CSMD3: variants seen among roughly 807,000 people sequenced by gnomAD.
The protein encoded by CSMD3 is CUB and sushi domain-containing protein 3.
In CSMD3, 177 loss-of-function variants were observed where a neutral mutation model predicts 435.2. The ratio of observed to expected loss-of-function variants is 0.41; its 90% CI spans 0.36 to 0.46. CSMD3 has a LOEUF of 0.46. Ranked by LOEUF, CSMD3 falls within the 20% of genes least tolerant of loss-of-function variation. CSMD3 has a pLI of 0.34. For synonymous variants in CSMD3, 1,656 were observed against 1,520.5 expected (o/e 1.09, Z -2.07); for missense variants, 4,265 against 4,504.6 (o/e 0.95, Z 1.52).
chr8:112,596,248 A>G (rs1400898705), intron 22 of CSMD3, among the ~76,000 whole-genome samples: 2 of 152,112 alleles, frequency 1.3e-5, no homozygotes, highest in African/African-American at 4.8e-5. Context: ...TTAAACCAAC[A>G]AAGATCAAAA....
At chr8:112,922,515 G>A (rs567901307) in intron 9 of CSMD3, among the ~76,000 whole-genome samples, 31 of 150,774 alleles carry the variant, frequency 2.1e-4, no homozygotes, top group African/African-American at 5.1e-4. Flanking sequence ...CCTCCTAGCC[G>A]CCCCCACATC....
At chr8:113,150,751 C>A in intron 4 of CSMD3, among the ~76,000 whole-genome samples, 1 of 151,846 alleles carries the variant, frequency 6.6e-6, no homozygotes, top group Admixed American at 6.6e-5. Context: ...TTATTCATTA[C>A]CACTATATGT....
chr8:112,952,487 T>G (rs1423468461), intron 8 of CSMD3, among the ~76,000 whole-genome samples: 2 of 151,662 alleles, frequency 1.3e-5, no homozygotes, highest in Non-Finnish European at 3.0e-5. Context: ...GAGATCAATA[T>G]CTGAATGTGT....
chr8:112,889,990 C>T (rs1350075828), intron 10 of CSMD3, among the ~76,000 whole-genome samples: 1 of 151,536 alleles, frequency 6.6e-6, no homozygotes, highest in Non-Finnish European at 1.5e-5. Flanking sequence ...AAGTTGCCTT[C>T]AGAATGTGTT....
intron 32 of CSMD3, among the ~76,000 whole-genome samples, chr8:112,422,614 C>T (rs947318892): frequency 2.0e-4 from 30 of 152,212 alleles, no homozygotes; most frequent in African/African-American, 6.7e-4. Context: ...CAAAATAATA[C>T]CCACTCCTTT....
chr8:113,210,056 G>T lies in CSMD3; in HGVS notation c.515-36140C>A, dbSNP rs1307596232. 2.1e-5 allele frequency among the ~76,000 whole-genome samples: 3 copies of T among 145,546 alleles called. No homozygotes were observed. The East Asian group carries it at 6.0e-4, about 29-fold the overall frequency. ...TGTGTGTGTGTGTGTGATACACAGT[G>T]TTTTCTAATTTTAAACTACATCCTT... On this transcript the variant is annotated intron_variant, in intron 3 of 70. Transcript: ENST00000297405.
In CSMD3 at chr8:112,281,197, G is replaced by A. The variant is rs2130577378; in HGVS notation, c.9485C>T (p.Ser3162Phe). The A allele has an allele frequency of 6.2e-7, 1 of 1,612,934 alleles. No individual in the cohort carries two copies. Among genetic ancestry groups the A allele is most frequent in the Non-Finnish European group, 8.5e-7 (1 of 1,179,144 alleles). Residue 3162 changes from serine (S) to phenylalanine (F), a missense_variant, in exon 59 of 71, where the codon TCT becomes TTT. By Grantham distance (155) the Ser-to-Phe change is radical. This residue lies in a region of CSMD3 where 3,255 missense variants were observed against 3,380.2 expected (regional missense o/e 0.96). Transcript: ENST00000297405. ...VRQCTANGTW[S>F]GTLPNCTIIS... ...ACTTGTACAGTTAGGTAAAGTTCCA[G>A]ACCATGTTCCATTGGCTGTGCACTG... is the stretch of plus-strand genomic sequence containing the variant.
At chr8:112,718,408 C>T (rs1018666001) in intron 13 of CSMD3, among the ~76,000 whole-genome samples, 1 of 152,026 alleles carries the variant, frequency 6.6e-6, no homozygotes. Flanking sequence ...CAACTCAACT[C>T]AACTCAAAAT....
At chr8:113,149,169 T>C (rs1296220325) in intron 4 of CSMD3, among the ~76,000 whole-genome samples, 4 of 151,834 alleles carry the variant, frequency 2.6e-5, no homozygotes, top group Non-Finnish European at 4.4e-5. Flanking sequence ...AAATTTAAAC[T>C]CTTAAAGGGG....
intron 1 of CSMD3, among the ~76,000 whole-genome samples, chr8:113,346,148 T>A (rs1003338454): frequency 6.6e-6 from 1 of 152,156 alleles, no homozygotes; most frequent in Non-Finnish European, 1.5e-5. Context: ...GGAAGATCAA[T>A]AGAGATAGAC....
rs373562939 is a variant in CSMD3 at position 112,351,228 on chromosome 8, G to A, written c.6272C>T (p.Thr2091Ile). The A allele has an allele frequency of 1.2e-5, 20 of 1,608,776 alleles. No individual in the cohort carries two copies. In the African/African-American group the frequency reaches 2.3e-4, roughly 18 times the overall value. Residue 2091 changes from threonine to isoleucine, a missense_variant, in exon 40 of 71, where the codon ACA becomes ATA. By Grantham distance (89) the Thr-to-Ile change is moderately conservative (BLOSUM62 -1). Coordinates refer to ENST00000297405, the MANE Select transcript of CSMD3 (RefSeq NM_198123.2). ...TCTTCTTACAGGTCCTGGCATACAT[G>A]TAATGTGAGAGTGACCCTACATAAA... ...GYSLQGHSHI[T>I]CMPGPVRRWN...
chr8:112,623,972 TA>T (rs753343869), intron 22 of CSMD3, among the ~76,000 whole-genome samples: 22 of 151,998 alleles, frequency 1.4e-4, no homozygotes, highest in Non-Finnish European at 3.1e-4. Flanking sequence ...TAAGAGAGCT[TA>T]ATGAGAGAAT....
chr8:112,912,185 T>G (rs1189917615), intron 10 of CSMD3, among the ~76,000 whole-genome samples: 1 of 151,402 alleles, frequency 6.6e-6, no homozygotes, highest in Non-Finnish European at 1.5e-5. Context: ...GTTGATTACA[T>G]ATCTTGGCTA....
intron 12 of CSMD3, among the ~76,000 whole-genome samples, chr8:112,802,641 G>T (rs916224691): frequency 4.6e-5 from 7 of 151,918 alleles, no homozygotes; most frequent in African/African-American, 7.2e-5. Context: ...GCTGGCAAAA[G>T]ATTTTATTTT....
chr8:113,008,826 ACAAC>A (rs1159646495), intron 6 of CSMD3, among the ~76,000 whole-genome samples: 1 of 151,290 alleles, frequency 6.6e-6, no homozygotes, highest in East Asian at 1.9e-4. Context: ...ATAATTGCTA[ACAAC>A]CTATTTATTA....
intron 2 of CSMD3, among the ~76,000 whole-genome samples, chr8:113,305,486 C>G: frequency 6.6e-6 from 1 of 152,098 alleles, no homozygotes; most frequent in East Asian, 1.9e-4. Context: ...AGATTTACTA[C>G]AAAAGATTGA....
At chr8:113,143,550 T>C (rs923270206) in intron 4 of CSMD3, among the ~76,000 whole-genome samples, 11 of 151,588 alleles carry the variant, frequency 7.3e-5, no homozygotes, top group Middle Eastern at 3.4e-3. Context: ...ACAGTGAAGA[T>C]ATCCTTTAAT....
chr8:112,514,438 G>T (rs1202202329), intron 28 of CSMD3, among the ~76,000 whole-genome samples: 2 of 152,112 alleles, frequency 1.3e-5, no homozygotes, highest in Admixed American at 6.6e-5. Context: ...TCAGTAATTT[G>T]CTCTGAATGC....
intron 41 of CSMD3, among the ~76,000 whole-genome samples, chr8:112,343,025 A>ATATATATATTTATATATT (rs1825325316): frequency 1.4e-5 from 2 of 140,526 alleles, no homozygotes; most frequent in African/African-American, 5.2e-5. Context: ...ATTTATATAT[A>ATATATATATTTATATATT]TATATATAGT....
Sources: allele counts gnomAD v4.1 joint callset (sites outside exome capture counted in the v4.1 genomes callset), GRCh38; gene constraint gnomAD v4.1.1; regional missense constraint gnomAD v4.1.1; transcripts MANE v1.5; gene names NCBI Gene and HGNC (gene_info 2026-07-23, HGNC 2026-07-21).